DPP10: variants seen among roughly 807,000 people sequenced by gnomAD.
The protein encoded by DPP10 is dipeptidyl peptidase like 10.
DPP10 carries 33 observed loss-of-function variants against 120.9 expected under a neutral mutation model. That is an observed-to-expected ratio of 0.27 (90% CI 0.21 to 0.37). The LOEUF is 0.37. Among genes scored for constraint, DPP10 ranks in the 10% least tolerant of loss-of-function variants. The pLI is 1.00. For synonymous variants in DPP10, 337 were observed against 326.1 expected, an observed-to-expected ratio of 1.03 and a Z score of -0.36; for missense variants, 816 against 942.8, an observed-to-expected ratio of 0.87 and a Z score of 1.76.
intron 1 of DPP10, among the ~76,000 whole-genome samples, chr2:115,142,568 C>T (rs773993457): frequency 1.5e-4 from 23 of 152,306 alleles, no homozygotes; most frequent in Middle Eastern, 6.8e-3. Context: ...TTGAAAAACA[C>T]GAACTGAAAA....
chr2:115,636,126 G>A (rs2086308019), intron 5 of DPP10, among the ~76,000 whole-genome samples: 1 of 149,688 alleles, frequency 6.7e-6, no homozygotes, highest in Non-Finnish European at 1.5e-5. Context: ...TACCAAAAAT[G>A]TTGACCTCAG....
intron 1 of DPP10, among the ~76,000 whole-genome samples, chr2:114,533,805 T>C (rs924536444): frequency 1.3e-5 from 2 of 152,210 alleles, no homozygotes; most frequent in African/African-American, 4.8e-5. Context: ...AGGGTTATTG[T>C]TGAGAAACCT....
intron 1 of DPP10, among the ~76,000 whole-genome samples, chr2:115,120,617 G>A (rs566649709): frequency 6.6e-6 from 1 of 152,308 alleles, no homozygotes; most frequent in Admixed American, 6.5e-5. Flanking sequence ...GTTACTAAGA[G>A]TCACAGTAGC....
chr2:115,087,523 CT>C (rs1194676848), intron 1 of DPP10, among the ~76,000 whole-genome samples: 9 of 128,326 alleles, frequency 7.0e-5, no homozygotes, highest in Admixed American at 3.4e-4. Flanking sequence ...TTCTTTCTTT[CT>C]TTTCTTTTCT....
chr2:115,236,304 C>G (rs1356512044), intron 1 of DPP10, among the ~76,000 whole-genome samples: 1 of 152,176 alleles, frequency 6.6e-6, no homozygotes, highest in African/African-American at 2.4e-5. Flanking sequence ...ATACCATGGA[C>G]ATAGTTGTCA....
chr2:114,917,960 A>G (rs950333065), intron 1 of DPP10, among the ~76,000 whole-genome samples: 1 of 152,218 alleles, frequency 6.6e-6, no homozygotes, highest in Non-Finnish European at 1.5e-5. Context: ...GACAAATGGA[A>G]TCTAATTAAA....
At chr2:114,899,498 C>T (rs1470566495) in intron 1 of DPP10, among the ~76,000 whole-genome samples, 1 of 152,128 alleles carries the variant, frequency 6.6e-6, no homozygotes, top group Non-Finnish European at 1.5e-5. Context: ...ACTCTTTTAA[C>T]TTTTGTCGTA....
intron 1 of DPP10, among the ~76,000 whole-genome samples, chr2:115,302,233 C>T (rs1198708963): frequency 6.6e-6 from 1 of 151,892 alleles, no homozygotes; most frequent in African/African-American, 2.4e-5. Flanking sequence ...CCACCAGGCC[C>T]CTTCTCCAGT....
At position 114,862,907 on chromosome 2, in the gene DPP10, A is replaced by C. The variant is rs577294803; in HGVS notation, c.60+420069A>C. Among the ~76,000 whole-genome samples the C allele has an allele frequency of 8.8e-3, 809 of 92,128 alleles. 9 individuals carry two copies. The highest frequency in any genetic ancestry group is 0.028 in the African/African-American group (756 of 26,752). 60.4% of individuals were successfully genotyped at this position (92,128 alleles called of 152,430 possible). On this transcript the variant is annotated intron_variant, in intron 1 of 25. Coordinates refer to ENST00000410059, the MANE Select transcript of DPP10 (RefSeq NM_020868.6). ...TTCATTTTAGGACCAAAAAAAAAAA[A>C]AAAAAACCCCTCTTCTTTTATTTTA...
intron 1 of DPP10, among the ~76,000 whole-genome samples, chr2:114,578,156 A>T (rs1007681942): frequency 8.5e-5 from 13 of 152,216 alleles, no homozygotes; most frequent in African/African-American, 3.1e-4. Context: ...CATTTAGAAC[A>T]CTGCTAAGAA....
chr2:114,539,968 TC>T (rs1377456223), intron 1 of DPP10, among the ~76,000 whole-genome samples: 1 of 152,304 alleles, frequency 6.6e-6, no homozygotes, highest in East Asian at 1.9e-4. Context: ...TTCCAAGTGT[TC>T]GCAATTCATC....
intron 5 of DPP10, among the ~76,000 whole-genome samples, chr2:115,639,960 A>ATT (rs35714070): frequency 0.021 from 2,961 of 143,230 alleles, 102 homozygotes; most frequent in African/African-American, 0.068. Flanking sequence ...CATACAGTAG[A>ATT]TTTTTTTTTT....
At chr2:114,993,978 C>T (rs1700921962) in intron 1 of DPP10, among the ~76,000 whole-genome samples, 1 of 152,172 alleles carries the variant, frequency 6.6e-6, no homozygotes, top group Non-Finnish European at 1.5e-5. Context: ...TAATCCTACA[C>T]TGTACCTTCA....
At chr2:114,960,659 C>T (rs533231772) in intron 1 of DPP10, among the ~76,000 whole-genome samples, 7 of 152,204 alleles carry the variant, frequency 4.6e-5, no homozygotes, top group East Asian at 3.9e-4. Context: ...TAATAACACT[C>T]GCACAGTGGT....
chr2:115,499,665 T>G (rs143608967), intron 4 of DPP10, 61 bp downstream of exon 4: 1 of 1,237,908 alleles, frequency 8.1e-7, no homozygotes, highest in East Asian at 2.6e-5. Flanking sequence ...GCTCTCTAGA[T>G]GTACATAACT....
chr2:115,026,053 T>C (rs7570568), intron 1 of DPP10, among the ~76,000 whole-genome samples: 60,495 of 152,000 alleles, frequency 0.4, 12,222 homozygotes, highest in South Asian at 0.54. Context: ...ATTTTTGCTT[T>C]TGTTGCCTGT....
intron 1 of DPP10, among the ~76,000 whole-genome samples, chr2:115,005,554 G>T (rs1410584787): frequency 2.6e-5 from 4 of 151,898 alleles, no homozygotes; most frequent in African/African-American, 9.7e-5. Context: ...CAAGGCTCGA[G>T]AACTACGTGA....
chr2:114,767,885 C>G (rs1680877869), intron 1 of DPP10, among the ~76,000 whole-genome samples: 1 of 152,090 alleles, frequency 6.6e-6, no homozygotes, highest in African/African-American at 2.4e-5. Flanking sequence ...CTTTGGGATA[C>G]CGAGGCAGGC....
chr2:114,795,932 T>G (rs1683668805), intron 1 of DPP10, among the ~76,000 whole-genome samples: 1 of 152,134 alleles, frequency 6.6e-6, no homozygotes, highest in South Asian at 2.1e-4. Flanking sequence ...AACAGGAAGA[T>G]GTAATACTAA....
Sources: allele counts gnomAD v4.1 joint callset (sites outside exome capture counted in the v4.1 genomes callset), GRCh38; gene constraint gnomAD v4.1.1; transcripts MANE v1.5; gene names NCBI Gene and HGNC (gene_info 2026-07-23, HGNC 2026-07-21).